Variants in DMD observed in about 807,000 individuals in gnomAD.
DMD encodes the protein mutant dystrophin.
A neutral mutation model predicts 330.1 loss-of-function variants in DMD; 63 were observed. The ratio of observed to expected loss-of-function variants is 0.19; its 90% CI spans 0.16 to 0.24. DMD has a LOEUF of 0.24. DMD is among the 10% of genes least tolerant of loss of function. The pLI, the probability that DMD is intolerant of heterozygous loss-of-function variation, is 1.00. For synonymous variants in DMD, 1,223 were observed against 959.8 expected, an observed-to-expected ratio of 1.27 and a Z score of -5.07; for missense variants, 3,344 against 2,684.1, an observed-to-expected ratio of 1.25 and a Z score of -5.43.
intron 60 of DMD, among the ~76,000 whole-genome samples, chrX:31,426,661 C>T (rs1450368880): frequency 2.7e-5 from 3 of 111,790 alleles, no homozygotes; most frequent in Non-Finnish European, 5.6e-5. Flanking sequence ...TATCTGGTGG[C>T]CTCACCAACC....
At chrX:32,947,452 A>T (rs755120319) in intron 2 of DMD, among the ~76,000 whole-genome samples, 2 of 111,998 alleles carry the variant, frequency 1.8e-5, no homozygotes, top group East Asian at 5.6e-4. Context: ...TTCTAATTGC[A>T]TTTACTTGTT....
chrX:31,924,191 C>G (rs971963836), intron 47 of DMD, among the ~76,000 whole-genome samples: 1 of 111,675 alleles, frequency 9.0e-6, no homozygotes, highest in African/African-American at 3.3e-5. Context: ...ACGTTAAGGG[C>G]AGGACTGAAT....
chrX:32,362,877 C>A lies in DMD; in HGVS notation c.5236G>T (p.Gly1746Cys). ...TCTACTAATTTCCTGCAGTGGTCAC[C>A]GCGGTTTGCCATCAAGTTTGCTGCT... ...DQAANLMANRGDHCRKLVEPQ... is the reference protein window; with the variant it reads ...DQAANLMANRCDHCRKLVEPQ... Residue 1746 changes from glycine to cysteine, a missense_variant, in exon 37 of 79, where the codon GGT becomes TGT. Coordinates refer to ENST00000357033, the MANE Select transcript of DMD (RefSeq NM_004006.3). 8.3e-7 allele frequency: 1 copy of A among 1,210,796 alleles called. No individual in the cohort carries two copies. Among genetic ancestry groups the A allele is most frequent in the South Asian group, 1.8e-5 (1 of 56,956 alleles).
intron 54 of DMD, among the ~76,000 whole-genome samples, chrX:31,652,259 G>C (rs1312520577): frequency 9.0e-6 from 1 of 111,253 alleles, no homozygotes; most frequent in Non-Finnish European, 1.9e-5. Flanking sequence ...TTTCATGGCA[G>C]CACTCCTCTT....
At chrX:33,266,135 G>A (rs1444503206) in intron 1 of DMD, among the ~76,000 whole-genome samples, 2 of 111,146 alleles carry the variant, frequency 1.8e-5, no homozygotes, top group Non-Finnish European at 3.8e-5. Context: ...TTTTATGTAG[G>A]TATTGATTTC....
intron 44 of DMD, among the ~76,000 whole-genome samples, chrX:32,068,261 G>A (rs1166218039): frequency 1.8e-5 from 2 of 110,672 alleles, no homozygotes; most frequent in East Asian, 2.8e-4. Context: ...TTACACCACC[G>A]TCAGATGCAT....
At chrX:32,481,200 T>C (rs763475928) in intron 21 of DMD, among the ~76,000 whole-genome samples, 8 of 110,638 alleles carry the variant, frequency 7.2e-5, no homozygotes, top group Non-Finnish European at 1.1e-4. Flanking sequence ...GTTATTTTCT[T>C]TCAATTCTGG....
At chrX:32,334,654 G>A (rs2097696595) in intron 41 of DMD, among the ~76,000 whole-genome samples, 1 of 111,211 alleles carries the variant, frequency 9.0e-6, no homozygotes, top group Non-Finnish European at 1.9e-5. Context: ...TAATGATACG[G>A]TGATGTTCTT....
chrX:32,863,727 T>C (rs1406401028), intron 2 of DMD, among the ~76,000 whole-genome samples: 5 of 111,160 alleles, frequency 4.5e-5, no homozygotes, highest in Non-Finnish European at 9.4e-5. Flanking sequence ...CAAAGATGAC[T>C]TTAATTAATG....
intron 44 of DMD, among the ~76,000 whole-genome samples, chrX:31,979,839 T>C (rs1211674018): frequency 8.9e-6 from 1 of 112,241 alleles, no homozygotes; most frequent in African/African-American, 3.2e-5. Flanking sequence ...GTCTTCAAGT[T>C]ATATGAATGA....
intron 11 of DMD, among the ~76,000 whole-genome samples, chrX:32,631,955 T>C (rs1032260451): frequency 3.6e-5 from 4 of 111,398 alleles, no homozygotes; most frequent in Admixed American, 9.5e-5. Flanking sequence ...TACAATCATG[T>C]CTTCCAAACA....
At chrX:32,760,790 T>C (rs747894929) in intron 7 of DMD, among the ~76,000 whole-genome samples, 2 of 112,044 alleles carry the variant, frequency 1.8e-5, no homozygotes, top group Non-Finnish European at 3.8e-5. Flanking sequence ...TGCATACCTT[T>C]TGATCTAGCT....
intron 2 of DMD, among the ~76,000 whole-genome samples, chrX:32,871,933 G>A (rs759785307): frequency 3.6e-5 from 4 of 111,086 alleles, no homozygotes; most frequent in East Asian, 2.8e-4. Context: ...GTTAAGGCAT[G>A]AATGAGTCAG....
chrX:32,226,195 C>A lies in DMD; in HGVS notation c.6291-9132G>T, dbSNP rs6628687. Among the ~76,000 whole-genome samples, 4,170 of 111,783 alleles carry A rather than the reference C, an allele frequency of 0.037. 315 individuals carry two copies. The East Asian group carries it at 0.44, about 12-fold the overall frequency. On this transcript the variant is annotated intron_variant, in intron 43 of 78. Coordinates refer to ENST00000357033, the MANE Select transcript of DMD (RefSeq NM_004006.3). Reference sequence around the variant, plus strand: ...CTCAGCGCTCTCTAACAGACAACCTCACTTCCTACTTTGGTCCCTATACAA... The same window carrying A: ...CTCAGCGCTCTCTAACAGACAACCTAACTTCCTACTTTGGTCCCTATACAA...
At chrX:31,471,987 C>T (rs1475665380) in intron 59 of DMD, among the ~76,000 whole-genome samples, 1 of 112,162 alleles carries the variant, frequency 8.9e-6, no homozygotes, top group East Asian at 2.8e-4. Flanking sequence ...CAGGAATTAG[C>T]TTCATATTTA....
chrX:32,336,028 ACG>A (rs2097712122), intron 41 of DMD, among the ~76,000 whole-genome samples: 2 of 99,845 alleles, frequency 2.0e-5, no homozygotes, highest in South Asian at 8.8e-4. Context: ...TGTATATATA[ACG>A]TTATATATAA....
chrX:32,297,422 C>T (rs973986714), intron 42 of DMD, among the ~76,000 whole-genome samples: 4 of 109,465 alleles, frequency 3.7e-5, no homozygotes, highest in Admixed American at 9.8e-5. Flanking sequence ...TACAGGCGCC[C>T]GCCACCATGC....
At chrX:31,176,276 G>C (rs1303654192) in intron 71 of DMD, among the ~76,000 whole-genome samples, 1 of 111,183 alleles carries the variant, frequency 9.0e-6, no homozygotes. Context: ...TTCATAAAAA[G>C]GCAAATTGGG....
chrX:33,120,485 G>T (rs2095416013), intron 1 of DMD, among the ~76,000 whole-genome samples: 1 of 111,645 alleles, frequency 9.0e-6, no homozygotes, highest in East Asian at 2.8e-4. Context: ...GCAAGATACT[G>T]CATGGAACTC....
Sources: gnomAD v4.1 joint callset for allele counts (sites outside exome capture counted in the v4.1 genomes callset) on GRCh38, gnomAD v4.1.1 for gene constraint, MANE v1.5 for transcripts, NCBI Gene and HGNC (gene_info 2026-07-23, HGNC 2026-07-21) for gene names.